ESR1: variants seen among roughly 807,000 people sequenced by gnomAD.
The protein encoded by ESR1 is estrogen receptor.
Under a neutral mutation model 52.7 loss-of-function variants are expected in ESR1, and 12 were observed. The observed-to-expected ratio is 0.23, with a 90% confidence interval of 0.15 to 0.37. The LOEUF is 0.37. ESR1 is among the 10% of genes least tolerant of loss of function. ESR1 has a pLI of 1.00. For synonymous variants in ESR1, 305 were observed against 316.8 expected, an observed-to-expected ratio of 0.96 and a Z score of 0.39; for missense variants, 584 against 779.7, an observed-to-expected ratio of 0.75 and a Z score of 2.99.
intron 6 of ESR1, among the ~76,000 whole-genome samples, chr6:152,120,392 G>T (rs908233957): frequency 1.3e-5 from 2 of 152,194 alleles, no homozygotes; most frequent in African/African-American, 4.8e-5. Context: ...CCAGAAGCGG[G>T]AAGATGGGAC....
chr6:151,843,309 G>A (rs1261404898), intron 2 of ESR1, among the ~76,000 whole-genome samples: 2 of 152,138 alleles, frequency 1.3e-5, no homozygotes, highest in East Asian at 1.9e-4. Context: ...ATTTTGCTAT[G>A]AGCTGACTCA....
chr6:151,873,166 T>C (rs764095954), intron 2 of ESR1, among the ~76,000 whole-genome samples: 5 of 152,174 alleles, frequency 3.3e-5, no homozygotes, highest in Non-Finnish European at 4.4e-5. Flanking sequence ...GGGCTTTCCA[T>C]ATATGGAGGT....
At chr6:151,806,743 G>A (rs1368514253), upstream of ESR1, among the ~76,000 whole-genome samples, 1 of 151,856 alleles carries the variant, frequency 6.6e-6, no homozygotes, top group African/African-American at 2.4e-5. Context: ...TCTGTTAGCT[G>A]GACCAGACCG....
At chr6:152,119,684 C>T (rs1473839950) in intron 6 of ESR1, among the ~76,000 whole-genome samples, 1 of 152,224 alleles carries the variant, frequency 6.6e-6, no homozygotes, top group Non-Finnish European at 1.5e-5. Context: ...GAAGCTTCTT[C>T]AGCAGCCATC....
upstream of ESR1, among the ~76,000 whole-genome samples, chr6:151,688,565 A>G (rs1778777478): frequency 6.6e-6 from 1 of 152,116 alleles, no homozygotes; most frequent in African/African-American, 2.4e-5. Flanking sequence ...TCCACATCTG[A>G]GGATTCAATC....
intron 2 of ESR1, among the ~76,000 whole-genome samples, chr6:151,713,658 T>C (rs1157674705): frequency 6.6e-6 from 1 of 152,218 alleles, no homozygotes; most frequent in Non-Finnish European, 1.5e-5. Flanking sequence ...GATGGTAGTT[T>C]GTATTTCTGT....
intron 5 of ESR1, among the ~76,000 whole-genome samples, chr6:152,050,157 C>CT (rs1179723696): frequency 6.6e-6 from 1 of 152,110 alleles, no homozygotes; most frequent in Non-Finnish European, 1.5e-5. Flanking sequence ...AGAACTGAAA[C>CT]TTTTTTCCTG....
At chr6:152,128,483 T>G (rs550027084) in exon 7 of ESR1, 6 of 152,326 alleles carry the variant, frequency 3.9e-5, no homozygotes, top group African/African-American at 1.4e-4. Context: ...AGGTTTAAAA[T>G]ACTGTATGAA....
intron 4 of ESR1, among the ~76,000 whole-genome samples, chr6:151,990,250 G>A (rs1334826020): frequency 3.3e-5 from 5 of 152,034 alleles, no homozygotes; most frequent in Admixed American, 3.3e-4. Flanking sequence ...ATGAGTGTGT[G>A]TGTGTGTGTG....
chr6:151,934,034 A>C (rs1418144869), intron 3 of ESR1, among the ~76,000 whole-genome samples: 4 of 152,218 alleles, frequency 2.6e-5, no homozygotes, highest in Non-Finnish European at 5.9e-5. Context: ...TCTCTTTCAG[A>C]GTATAATGCA....
chr6:151,732,192 A>G (rs887500710), intron 2 of ESR1, among the ~76,000 whole-genome samples: 1 of 152,234 alleles, frequency 6.6e-6, no homozygotes, highest in Non-Finnish European at 1.5e-5. Flanking sequence ...TTTTATTTCA[A>G]TTATAAAATT....
At chr6:152,126,483 A>G (rs900698718) in exon 7 of ESR1, 14 of 152,368 alleles carry the variant, frequency 9.2e-5, no homozygotes, top group Admixed American at 1.3e-4. Flanking sequence ...GTCTTATTAC[A>G]TACATGGATG....
intron 3 of ESR1, among the ~76,000 whole-genome samples, chr6:151,914,095 G>A (rs1468367869): frequency 1.3e-5 from 2 of 151,462 alleles, no homozygotes; most frequent in African/African-American, 4.9e-5. Flanking sequence ...ATTTCCTTAT[G>A]TCTGTCTCCA....
chr6:151,767,512 A>G lies in ESR1; in HGVS notation c.-70-40331A>G, dbSNP rs141664316. 1.8e-3 allele frequency among the ~76,000 whole-genome samples: 274 copies of G among 152,352 alleles called. 1 individual carries two copies. The highest frequency in any genetic ancestry group is 6.3e-3 in the African/African-American group (262 of 41,578). ...AAATGTGATAAAAGAAAAAAAAGATATAGTGACAGATCTAATAATTAAAAT... is the reference window on the plus strand; with the variant it reads ...AAATGTGATAAAAGAAAAAAAAGATGTAGTGACAGATCTAATAATTAAAAT... On this transcript the variant is annotated intron_variant, in intron 2 of 2. Transcript: ENST00000404742.
At chr6:151,985,526 A>AAAC (rs2040390983) in intron 4 of ESR1, among the ~76,000 whole-genome samples, 1 of 139,600 alleles carries the variant, frequency 7.2e-6, no homozygotes, top group African/African-American at 2.9e-5. Flanking sequence ...AAAAAAAAAA[A>AAAC]AAAAAAACAC....
intron 3 of ESR1, among the ~76,000 whole-genome samples, chr6:151,898,819 A>G (rs935395735): frequency 1.3e-5 from 2 of 152,174 alleles, no homozygotes; most frequent in East Asian, 1.9e-4. Context: ...AGACACGGCA[A>G]CCATCCGATT....
At chr6:152,049,685 G>A (rs2046517180) in intron 5 of ESR1, among the ~76,000 whole-genome samples, 1 of 152,134 alleles carries the variant, frequency 6.6e-6, no homozygotes, top group Non-Finnish European at 1.5e-5. Context: ...TTCGCCTGTG[G>A]AGGCTGCAAA....
intron 1 of ESR1, among the ~76,000 whole-genome samples, chr6:151,682,170 T>G (rs973048126): frequency 6.6e-6 from 1 of 152,208 alleles, no homozygotes; most frequent in Non-Finnish European, 1.5e-5. Context: ...CAAGTCACTG[T>G]TTTCATAGCC....
At chr6:151,792,748 A>AT (rs1776294080) in intron 2 of ESR1, among the ~76,000 whole-genome samples, 1 of 152,214 alleles carries the variant, frequency 6.6e-6, no homozygotes, top group Non-Finnish European at 1.5e-5. Flanking sequence ...CTAAACTCTA[A>AT]TTTTTAAAAT....
Sources: allele counts gnomAD v4.1 joint callset (sites outside exome capture counted in the v4.1 genomes callset), GRCh38; gene constraint gnomAD v4.1.1; transcripts MANE v1.5; gene names NCBI Gene and HGNC (gene_info 2026-07-23, HGNC 2026-07-21).